The following YAP1 variants were observed in gnomAD, a reference collection of about 807,000 sequenced individuals.
YAP1 encodes Yes1 associated transcriptional regulator, also known as transcriptional coactivator YAP1.
Under a neutral mutation model 56.9 loss-of-function variants are expected in YAP1, and 5 were observed. That is an observed-to-expected ratio of 0.09 (90% CI 0.05 to 0.18). The LOEUF is 0.18. Among genes scored for constraint, YAP1 ranks in the 10% least tolerant of loss-of-function variants. The pLI is 1.00. For missense variants in YAP1, 539 were observed against 651.8 expected, an observed-to-expected ratio of 0.83 and a Z score of 1.88; for synonymous variants, 265 against 248.1, an observed-to-expected ratio of 1.07 and a Z score of -0.64.
In YAP1 at chr11:102,209,561, T is replaced by G. The variant is rs1949292183; in HGVS notation, c.1029T>G (p.Cys343Trp). 6.3e-7 allele frequency: 1 copy of G among 1,595,086 alleles called. No homozygotes were observed. The change falls in exon 6 of 9, where the codon TGT becomes TGG. Residue 343 changes from cysteine to tryptophan, a missense_variant. By Grantham distance (215) the Cys-to-Trp change is radical. Coordinates refer to ENST00000282441, the MANE Select transcript of YAP1 (RefSeq NM_001130145.3). ...CCAGCACAGCAAATTCTCCAAAATGTCAGGTAGGCTCTTATCTGATGTTTT... is the reference window on the plus strand; with the variant it reads ...CCAGCACAGCAAATTCTCCAAAATGGCAGGTAGGCTCTTATCTGATGTTTT... ...INPSTANSPK[C>W]QELALRSQLP...
At chr11:102,144,207 G>A (rs967427304) in intron 2 of YAP1, among the ~76,000 whole-genome samples, 3 of 152,150 alleles carry the variant, frequency 2.0e-5, no homozygotes, top group African/African-American at 7.2e-5. Flanking sequence ...TTGTAGAAAT[G>A]ATTATTTATG....
At chr11:102,180,763 A>T (rs1302848059) in intron 3 of YAP1, among the ~76,000 whole-genome samples, 1 of 152,006 alleles carries the variant, frequency 6.6e-6, no homozygotes, top group African/African-American at 2.4e-5. Context: ...ATATAAAGAA[A>T]TTTTTTTACT....
chr11:102,180,568 G>A (rs1947535844), intron 3 of YAP1, among the ~76,000 whole-genome samples: 1 of 150,850 alleles, frequency 6.6e-6, no homozygotes, highest in South Asian at 2.1e-4. Flanking sequence ...TGTAGTCCCA[G>A]CTACTTGGGA....
At chr11:102,155,533 A>G (rs370405198) in intron 2 of YAP1, among the ~76,000 whole-genome samples, 2 of 152,296 alleles carry the variant, frequency 1.3e-5, no homozygotes, top group African/African-American at 4.8e-5. Context: ...TGTTTGTATT[A>G]TTTTCATCAA....
intron 4 of YAP1, among the ~76,000 whole-genome samples, chr11:102,192,656 A>G (rs537297768): frequency 1.6e-4 from 24 of 152,376 alleles, no homozygotes; most frequent in African/African-American, 5.8e-4. Context: ...GATGCTCTTA[A>G]GAATATTTCC....
chr11:102,183,208 A>C (rs1037761359), intron 3 of YAP1, among the ~76,000 whole-genome samples: 70 of 152,344 alleles, frequency 4.6e-4, no homozygotes, highest in African/African-American at 1.6e-3. Context: ...AGGATGACTA[A>C]GAGTTTAGGA....
At position 102,190,782 on chromosome 11, in the gene YAP1, A is replaced by G. The variant is rs371321171; in HGVS notation, c.802+4651A>G. 7.9e-5 allele frequency among the ~76,000 whole-genome samples: 12 copies of G among 152,170 alleles called. No homozygotes were observed. In the East Asian group the frequency reaches 1.7e-3, roughly 22 times the overall value. ...GTCAAACCCCGTCTACTAAAAATGC[A>G]AAAATTAGCCAGGTGTGATGGCACA... is the stretch of plus-strand genomic sequence containing the variant. On this transcript the variant is annotated intron_variant, in intron 4 of 8. Transcript: ENST00000282441.
chr11:102,182,605 G>A (rs981565486), intron 3 of YAP1, among the ~76,000 whole-genome samples: 1 of 152,046 alleles, frequency 6.6e-6, no homozygotes, highest in Non-Finnish European at 1.5e-5. Flanking sequence ...TTCTTTTTTT[G>A]TGAATAAAGC....
Position 102,192,136 on chromosome 11 carries a change from A to G in YAP1, c.802+6005A>G, listed in dbSNP as rs77492152. ...GTGTAGCCCATTCTACTTAAGGAAA[A>G]TTCTAATGACCACAAAGTTTATATT... On this transcript the variant is annotated intron_variant, in intron 4 of 8. Transcript: ENST00000282441. Among the ~76,000 whole-genome samples, 15 of 152,288 alleles carry G rather than the reference A, an allele frequency of 9.8e-5. No individual in the cohort carries two copies. The East Asian group carries it at 2.9e-3, about 29-fold the overall frequency.
At chr11:102,181,529 T>C (rs1947624684) in intron 3 of YAP1, among the ~76,000 whole-genome samples, 1 of 152,234 alleles carries the variant, frequency 6.6e-6, no homozygotes, top group Non-Finnish European at 1.5e-5. Flanking sequence ...CACCTACTCC[T>C]TATTTCTATC....
In YAP1 at chr11:102,111,231, C is replaced by T. The variant is rs144178719; in HGVS notation, c.321+62C>T. 12,843 of 1,585,396 alleles carry T rather than the reference C, an allele frequency of 8.1e-3. 73 individuals carry two copies. Among genetic ancestry groups the T allele is most frequent in the Non-Finnish European group, 0.01 (11,708 of 1,165,088 alleles). On this transcript the variant is annotated intron_variant, in intron 1 of 8. Transcript: ENST00000282441. ...GCGGGCCTCAGACCGGGGGGGCGCTCGGGAGCCGCGGCCGCCAGCTCTGGT... is the reference window on the plus strand; with the variant it reads ...GCGGGCCTCAGACCGGGGGGGCGCTTGGGAGCCGCGGCCGCCAGCTCTGGT...
chr11:102,193,534 A>C (rs1174678938), intron 4 of YAP1, among the ~76,000 whole-genome samples: 1 of 152,230 alleles, frequency 6.6e-6, no homozygotes, highest in Non-Finnish European at 1.5e-5. Flanking sequence ...TATGGTAAGC[A>C]ATCTCTCCTG....
intron 2 of YAP1, among the ~76,000 whole-genome samples, chr11:102,149,915 C>T (rs1461662484): frequency 6.8e-6 from 1 of 147,170 alleles, no homozygotes; most frequent in Non-Finnish European, 1.5e-5. Context: ...ATATAGATTA[C>T]TGGAGTATGT....
At chr11:102,195,790 C>G (rs572381188) in intron 4 of YAP1, among the ~76,000 whole-genome samples, 56 of 152,264 alleles carry the variant, frequency 3.7e-4, no homozygotes, top group African/African-American at 1.3e-3. Context: ...TATAAATTAC[C>G]CAGTCTTGGG....
chr11:102,160,148 C>T (rs997813839), intron 2 of YAP1, among the ~76,000 whole-genome samples: 1 of 151,692 alleles, frequency 6.6e-6, no homozygotes, highest in Non-Finnish European at 1.5e-5. Flanking sequence ...CTTAGCCTCC[C>T]GAGTAGCTGG....
At chr11:102,112,071 C>G (rs932934121) in intron 1 of YAP1, among the ~76,000 whole-genome samples, 1 of 152,194 alleles carries the variant, frequency 6.6e-6, no homozygotes, top group Non-Finnish European at 1.5e-5. Context: ...TTGAATTAGC[C>G]ACATCTGTAC....
chr11:102,110,962 C>CGCGGCGACCCAG lies in YAP1; in HGVS notation c.121_132dup (p.Thr41_Ala44dup), dbSNP rs760308455. 5.3e-6 allele frequency: 8 copies of CGCGGCGACCCAG among 1,513,792 alleles called. No individual in the cohort carries two copies. Among genetic ancestry groups the CGCGGCGACCCAG allele is most frequent in the Non-Finnish European group, 7.1e-6 (8 of 1,132,498 alleles). The allele number at this position is 1,513,792 out of a possible 1,614,324, so 93.8% of individuals were successfully genotyped here. Reference sequence around the variant, plus strand: ...CGTCCGGACCCGGGCAACCGGCACCCGCGGCGACCCAGGCGGCGCCGCAGG... The same window carrying CGCGGCGACCCAG: ...CGTCCGGACCCGGGCAACCGGCACCCGCGGCGACCCAGGCGGCGACCCAGGCGGCGCCGCAGG... On this transcript the variant is annotated inframe_insertion, in exon 1 of 9. Coordinates refer to ENST00000282441, the MANE Select transcript of YAP1 (RefSeq NM_001130145.3).
chr11:102,162,301 C>T (rs765359888), intron 2 of YAP1, among the ~76,000 whole-genome samples, 155 bp from the exon 3 acceptor site: 1 of 152,180 alleles, frequency 6.6e-6, no homozygotes, highest in Non-Finnish European at 1.5e-5. Flanking sequence ...TGAAAAATGT[C>T]TGTTGCAGAG....
rs112225626 is a variant in YAP1, at chr11:102,204,182, C to G, written c.803-1711C>G. 4.2e-3 allele frequency among the ~76,000 whole-genome samples: 623 copies of G among 146,796 alleles called. 3 individuals carry two copies. Among genetic ancestry groups the G allele is most frequent in the Middle Eastern group, 7.5e-3 (2 of 268 alleles). On this transcript the variant is annotated intron_variant, in intron 4 of 8. Coordinates refer to ENST00000282441, the MANE Select transcript of YAP1 (RefSeq NM_001130145.3). Reference sequence around the variant, plus strand: ...AGACAGACAGTAGGATTGTTTGAAGCCAGGCATTTGAGACCAGCCTAGGCA... The same window carrying G: ...AGACAGACAGTAGGATTGTTTGAAGGCAGGCATTTGAGACCAGCCTAGGCA...
Sources: allele counts gnomAD v4.1 joint callset (sites outside exome capture counted in the v4.1 genomes callset), GRCh38; gene constraint gnomAD v4.1.1; transcripts MANE v1.5; gene names NCBI Gene and HGNC (gene_info 2026-07-23, HGNC 2026-07-21).